Variants in RNGTT observed in about 807,000 individuals in gnomAD.
RNGTT encodes mRNA-capping enzyme.
In RNGTT, 33 loss-of-function variants were observed where a neutral mutation model predicts 79.3. That is an observed-to-expected ratio of 0.42 (90% CI 0.32 to 0.56). The LOEUF (loss-of-function observed/expected upper bound fraction) is 0.56. Ranked by LOEUF, RNGTT falls within the 20% of genes least tolerant of loss-of-function variation. RNGTT has a pLI of 0.17. For synonymous variants in RNGTT, 222 were observed against 235.9 expected, an observed-to-expected ratio of 0.94 and a Z score of 0.54; for missense variants, 497 against 739.1, an observed-to-expected ratio of 0.67 and a Z score of 3.80.
At chr6:88,662,419 T>C (rs1256556215) in intron 14 of RNGTT, among the ~76,000 whole-genome samples, 1 of 152,254 alleles carries the variant, frequency 6.6e-6, no homozygotes, top group Non-Finnish European at 1.5e-5. Flanking sequence ...CAATGTATCA[T>C]GACCCTTTCA....
chr6:88,778,257 T>C (rs1295024141), intron 12 of RNGTT, among the ~76,000 whole-genome samples: 1 of 152,144 alleles, frequency 6.6e-6, no homozygotes, highest in Non-Finnish European at 1.5e-5. Flanking sequence ...GGATGGGTAA[T>C]ATTCACTCAT....
At chr6:88,770,169 T>C (rs961022443) in intron 12 of RNGTT, among the ~76,000 whole-genome samples, 1 of 152,202 alleles carries the variant, frequency 6.6e-6, no homozygotes, top group Non-Finnish European at 1.5e-5. Context: ...AAATGCTTTT[T>C]TTTCTTGTTC....
In RNGTT at chr6:88,762,017, A is replaced by T. The variant is rs1778277400; in HGVS notation, c.1439+7757T>A. On this transcript the variant is annotated intron_variant, in intron 13 of 15. Coordinates refer to ENST00000369485, the MANE Select transcript of RNGTT (RefSeq NM_003800.5). ...TTATAATCCAAAAGAAAGAACACCC[A>T]GACCACTAGGGGATTACCAGACACT... Among the ~76,000 whole-genome samples the T allele has an allele frequency of 1.3e-5, 2 of 151,974 alleles. 1 individual carries two copies. The highest frequency in any genetic ancestry group is 4.2e-4 in the South Asian group (2 of 4,812).
intron 8 of RNGTT, among the ~76,000 whole-genome samples, chr6:88,885,385 G>A (rs776896997): frequency 6.6e-6 from 1 of 152,110 alleles, no homozygotes; most frequent in African/African-American, 2.4e-5. Flanking sequence ...GCTCTCAACG[G>A]TCAAATGAGA....
At position 88,610,202 on chromosome 6, in the gene RNGTT, T is replaced by A. The variant is rs1309421847; in HGVS notation, c.*2517A>T. On this transcript the variant is annotated 3_prime_UTR_variant, in exon 16 of 16. Coordinates refer to ENST00000369485, the MANE Select transcript of RNGTT (RefSeq NM_003800.5). ...TTACACTGGGTGTGGCTGACAGCAG[T>A]AGGATGTGATGCCAGCAATAGAAGG... 1 of 152,598 alleles carries A rather than the reference T, an allele frequency of 6.6e-6. No homozygotes were observed. Among genetic ancestry groups the A allele is most frequent in the Non-Finnish European group, 1.5e-5 (1 of 68,026 alleles). The allele number at this position is 152,598 out of a possible 1,614,324, so 9.5% of individuals were successfully genotyped here.
chr6:88,858,686 A>G (rs1166258727), intron 8 of RNGTT, among the ~76,000 whole-genome samples: 2 of 152,194 alleles, frequency 1.3e-5, no homozygotes, highest in Admixed American at 1.3e-4. Flanking sequence ...CATAACGCTG[A>G]CACAACGGCA....
chr6:88,937,435 G>T lies in RNGTT; in HGVS notation c.174+3636C>A, dbSNP rs543578194. ...TCTCATTTCTGATTTAGTTTACTTG[G>T]GTCTTGTTTTTCTTGGTTGGTCTAG... is the stretch of plus-strand genomic sequence containing the variant. On this transcript the variant is annotated intron_variant, in intron 2 of 15. Coordinates refer to ENST00000369485, the MANE Select transcript of RNGTT (RefSeq NM_003800.5). 1.9e-4 allele frequency among the ~76,000 whole-genome samples: 29 copies of T among 151,654 alleles called. No homozygotes were observed. In the South Asian group the frequency reaches 3.3e-3, roughly 17 times the overall value.
At chr6:88,711,262 A>G (rs1350117636) in intron 13 of RNGTT, among the ~76,000 whole-genome samples, 2 of 152,142 alleles carry the variant, frequency 1.3e-5, no homozygotes, top group Non-Finnish European at 2.9e-5. Flanking sequence ...TACATCTTCC[A>G]ATTATTTAGG....
At chr6:88,903,963 G>T (rs62429027) in intron 6 of RNGTT, among the ~76,000 whole-genome samples, 14,429 of 152,200 alleles carry the variant, frequency 0.095, 874 homozygotes, top group Middle Eastern at 0.21. Context: ...GATTATTAAA[G>T]GTTGGCTAGA....
chr6:88,697,662 T>C (rs902462006), intron 13 of RNGTT, among the ~76,000 whole-genome samples: 1 of 151,560 alleles, frequency 6.6e-6, no homozygotes, highest in African/African-American at 2.4e-5. Flanking sequence ...GAGTTTGACA[T>C]CAGCCTGGGC....
intron 13 of RNGTT, among the ~76,000 whole-genome samples, chr6:88,700,449 A>C (rs1208094969): frequency 6.6e-6 from 1 of 152,102 alleles, no homozygotes; most frequent in Non-Finnish European, 1.5e-5. Flanking sequence ...CAATTATTAG[A>C]TACCGTCCCA....
chr6:88,954,823 A>G (rs987960605), intron 1 of RNGTT, among the ~76,000 whole-genome samples: 6 of 151,864 alleles, frequency 4.0e-5, no homozygotes, highest in South Asian at 2.1e-4. Context: ...TGGGTGGATC[A>G]CCTGAGGTCA....
Position 88,652,181 on chromosome 6 carries a change from TACAGTTAAATA to T in RNGTT, c.1506+26161_1506+26171del, listed in dbSNP as rs567012422. Among the ~76,000 whole-genome samples the T allele has an allele frequency of 1.4e-4, 21 of 152,292 alleles. No homozygotes were observed. The East Asian group carries it at 4.0e-3, about 29-fold the overall frequency. On this transcript the variant is annotated intron_variant, in intron 14 of 15. Coordinates refer to ENST00000369485, the MANE Select transcript of RNGTT (RefSeq NM_003800.5). ...TGACACTGTAAAAATAATTTAAATA[TACAGTTAAATA>T]TTTAACATATTTTAGTAAAACTGTC...
chr6:88,712,445 A>G (rs1776350486), intron 13 of RNGTT, among the ~76,000 whole-genome samples: 1 of 152,144 alleles, frequency 6.6e-6, no homozygotes, highest in South Asian at 2.1e-4. Flanking sequence ...AGCTAGGACT[A>G]CAGGCACATA....
At chr6:88,693,410 A>T (rs1432628191) in intron 13 of RNGTT, among the ~76,000 whole-genome samples, 1 of 152,154 alleles carries the variant, frequency 6.6e-6, no homozygotes, top group Non-Finnish European at 1.5e-5. Flanking sequence ...ATCAGAACTG[A>T]ATCATAACGA....
chr6:88,613,474 C>T (rs1315769618), intron 15 of RNGTT, among the ~76,000 whole-genome samples: 1 of 152,178 alleles, frequency 6.6e-6, no homozygotes, highest in East Asian at 1.9e-4. Flanking sequence ...CTTGTCTGAA[C>T]ATGGATGCTA....
intron 14 of RNGTT, among the ~76,000 whole-genome samples, chr6:88,666,320 G>A (rs1774406807): frequency 6.6e-6 from 1 of 152,222 alleles, no homozygotes; most frequent in South Asian, 2.1e-4. Flanking sequence ...GAGGCCTGTG[G>A]CCTACCTCTC....
At position 88,898,055 on chromosome 6, in the gene RNGTT, C is replaced by T. The variant is rs537194824; in HGVS notation, c.685-6140G>A. Among the ~76,000 whole-genome samples, 18 of 152,146 alleles carry T rather than the reference C, an allele frequency of 1.2e-4. No individual in the cohort carries two copies. In the South Asian group the frequency reaches 1.9e-3, roughly 16 times the overall value. ...ATGATTGAGCTGTATATCCTTAGTACGTTGCTGTATAAATCTGAGTTATGA... is the reference window on the plus strand; with the variant it reads ...ATGATTGAGCTGTATATCCTTAGTATGTTGCTGTATAAATCTGAGTTATGA... On this transcript the variant is annotated intron_variant, in intron 6 of 15. Transcript: ENST00000369485.
At chr6:88,895,557 C>T (rs1462044383) in intron 6 of RNGTT, among the ~76,000 whole-genome samples, 1 of 152,072 alleles carries the variant, frequency 6.6e-6, no homozygotes, top group East Asian at 1.9e-4. Flanking sequence ...TACTTGAATA[C>T]ATAGTTATAT....
Sources: gnomAD v4.1 joint callset for allele counts (sites outside exome capture counted in the v4.1 genomes callset) on GRCh38, gnomAD v4.1.1 for gene constraint, MANE v1.5 for transcripts, NCBI Gene and HGNC (gene_info 2026-07-23, HGNC 2026-07-21) for gene names.